Variants in FNBP1L observed in about 807,000 individuals in gnomAD.
The protein encoded by FNBP1L is formin binding protein 1 like.
FNBP1L carries 36 observed loss-of-function variants against 91.2 expected under a neutral mutation model. That is an observed-to-expected ratio of 0.39 (90% CI 0.30 to 0.52). FNBP1L has a LOEUF of 0.52. Ranked by LOEUF, FNBP1L falls within the 20% of genes least tolerant of loss-of-function variation. The probability of loss-of-function intolerance (pLI) is 0.66; values close to 1 mark genes in which losing one functional copy is unlikely to be tolerated. For synonymous variants in FNBP1L, 242 were observed against 237.0 expected (o/e 1.02, Z -0.19); for missense variants, 571 against 732.1 (o/e 0.78, Z 2.54).
chr1:93,518,843 C>T (rs1671222218), intron 2 of FNBP1L, among the ~76,000 whole-genome samples: 1 of 152,134 alleles, frequency 6.6e-6, no homozygotes, highest in Non-Finnish European at 1.5e-5. Flanking sequence ...AAAAGAAAAC[C>T]CTGTACCCAT....
intron 1 of FNBP1L, among the ~76,000 whole-genome samples, chr1:93,479,465 A>G (rs2101706170): frequency 6.6e-6 from 1 of 152,314 alleles, no homozygotes; most frequent in East Asian, 1.9e-4. Context: ...CCTCAAATTC[A>G]CCAGGGTGGG....
At chr1:93,464,367 T>C (rs983962759) in intron 1 of FNBP1L, among the ~76,000 whole-genome samples, 2 of 152,218 alleles carry the variant, frequency 1.3e-5, no homozygotes, top group African/African-American at 4.8e-5. Flanking sequence ...AAATCTGGTA[T>C]ACTATTTACT....
chr1:93,542,776 C>CTTTTTTTT (rs34922906), intron 11 of FNBP1L, among the ~76,000 whole-genome samples: 8 of 125,588 alleles, frequency 6.4e-5, no homozygotes, highest in African/African-American at 2.5e-4. Flanking sequence ...TTTTCTTTAC[C>CTTTTTTTT]TTTTTTTTTT....
Position 93,448,141 on chromosome 1 carries a change from G to C in FNBP1L, c.-141G>C, listed in dbSNP as rs1175314309. On this transcript the variant is annotated 5_prime_UTR_variant, in exon 1 of 17. Transcript: ENST00000271234. ...CCAGTCGCGTCTTTCTCACTCACTG[G>C]GGAGCCCGGCGGTGGCGGCACCTTT... is the stretch of plus-strand genomic sequence containing the variant. The C allele has an allele frequency of 1.9e-5, 20 of 1,074,052 alleles. 1 individual carries two copies. The East Asian group carries it at 6.4e-4, about 34-fold the overall frequency. 66.5% of individuals were successfully genotyped at this position (1,074,052 alleles called of 1,614,324 possible).
chr1:93,502,368 A>G (rs1355090804), intron 2 of FNBP1L, among the ~76,000 whole-genome samples: 1 of 152,234 alleles, frequency 6.6e-6, no homozygotes, highest in African/African-American at 2.4e-5. Flanking sequence ...AGAGATTCCT[A>G]TCACAAATTA....
chr1:93,549,638 T>A (rs1672344462), intron 15 of FNBP1L, among the ~76,000 whole-genome samples: 1 of 152,236 alleles, frequency 6.6e-6, no homozygotes, highest in South Asian at 2.1e-4. Flanking sequence ...TTGCCCACGT[T>A]ACTAGCATCC....
chr1:93,532,822 G>A (rs1671727296), intron 7 of FNBP1L, 100 bp from the exon 8 acceptor site: 3 of 840,116 alleles, frequency 3.6e-6, no homozygotes, highest in South Asian at 2.3e-5. Context: ...AACTATGAGG[G>A]TAGAAATATT....
At chr1:93,494,146 A>G (rs988978865) in intron 1 of FNBP1L, among the ~76,000 whole-genome samples, 8 of 152,180 alleles carry the variant, frequency 5.3e-5, no homozygotes, top group Admixed American at 1.3e-4. Context: ...CCCCTCCTCC[A>G]GTTTGATAAT....
intron 5 of FNBP1L, among the ~76,000 whole-genome samples, chr1:93,529,335 A>C (rs1671596387): frequency 2.0e-5 from 3 of 152,142 alleles, no homozygotes; most frequent in African/African-American, 7.2e-5. Flanking sequence ...ATTGGTTGTA[A>C]TAGTAAAATT....
At chr1:93,461,550 C>CAA (rs59105240) in intron 1 of FNBP1L, among the ~76,000 whole-genome samples, 18 of 145,758 alleles carry the variant, frequency 1.2e-4, no homozygotes, top group East Asian at 4.0e-4. Flanking sequence ...ATTTAAGGCG[C>CAA]AAAAAAAAAA....
intron 5 of FNBP1L, among the ~76,000 whole-genome samples, chr1:93,524,926 C>T (rs1232925806): frequency 6.6e-6 from 1 of 151,944 alleles, no homozygotes; most frequent in Non-Finnish European, 1.5e-5. Flanking sequence ...TAATTATTTA[C>T]TTAAAAATTT....
At chr1:93,491,451 A>G (rs1246301413) in intron 1 of FNBP1L, among the ~76,000 whole-genome samples, 1 of 151,968 alleles carries the variant, frequency 6.6e-6, no homozygotes, top group African/African-American at 2.4e-5. Flanking sequence ...GCACTGTGGC[A>G]TGATCACAGC....
At chr1:93,455,761 A>C (rs1044550420) in intron 1 of FNBP1L, among the ~76,000 whole-genome samples, 7 of 152,220 alleles carry the variant, frequency 4.6e-5, no homozygotes, top group African/African-American at 1.7e-4. Context: ...GACAATGATA[A>C]ATGCTTTAAA....
rs369423210 is a variant in FNBP1L, at chr1:93,507,056, AACACACACACACACACACACACACACAC to A, written c.140+7498_140+7525del. The stretch of plus-strand genomic sequence containing the variant: ...AGCCAAAGTACATAGAAAAACATGG[AACACACACACACACACACACACACACAC>A]ACACACACACACACACACACACACT... On this transcript the variant is annotated intron_variant, in intron 2 of 16. Transcript: ENST00000271234. 1.4e-4 allele frequency among the ~76,000 whole-genome samples: 5 copies of A among 35,018 alleles called. No homozygotes were observed. In the Admixed American group the frequency reaches 1.8e-3, roughly 13 times the overall value. 23.0% of individuals were successfully genotyped at this position (35,018 alleles called of 152,430 possible). A position where few individuals can be genotyped will look rare whatever the true frequency, so the allele number is the denominator to read the frequency against.
rs567266698 is a variant in FNBP1L at position 93,500,265 on chromosome 1, C to T, written c.140+682C>T. ...AAACAGGCATACATGACTACAAAGT[C>T]CAGGCATATTTTGATTCAGGGGTCA... On this transcript the variant is annotated intron_variant, in intron 2 of 16. Transcript: ENST00000271234. 1.1e-3 allele frequency among the ~76,000 whole-genome samples: 169 copies of T among 152,226 alleles called. 1 individual carries two copies. Among genetic ancestry groups the T allele is most frequent in the Middle Eastern group, 3.4e-3 (1 of 294 alleles).
chr1:93,453,577 C>T (rs1368797430), intron 1 of FNBP1L, among the ~76,000 whole-genome samples: 1 of 152,062 alleles, frequency 6.6e-6, no homozygotes, highest in East Asian at 1.9e-4. Flanking sequence ...ATGTCAAATA[C>T]CTTCTGTGTA....
At chr1:93,509,544 T>C (rs1170403228) in intron 2 of FNBP1L, among the ~76,000 whole-genome samples, 1 of 152,216 alleles carries the variant, frequency 6.6e-6, no homozygotes, top group Non-Finnish European at 1.5e-5. Context: ...ACGTGTCCCC[T>C]ACAGACTGGG....
At chr1:93,518,220 G>C (rs1055277803) in intron 2 of FNBP1L, among the ~76,000 whole-genome samples, 1 of 152,040 alleles carries the variant, frequency 6.6e-6, no homozygotes, top group Non-Finnish European at 1.5e-5. Flanking sequence ...TCAGCTTCAC[G>C]TAATAGAGTC....
intron 5 of FNBP1L, among the ~76,000 whole-genome samples, chr1:93,526,079 A>T (rs1671484023): frequency 1.3e-5 from 2 of 152,126 alleles, no homozygotes; most frequent in Non-Finnish European, 2.9e-5. Context: ...GAGGAAAAAA[A>T]TTAAAAGACA....
Sources: allele counts gnomAD v4.1 joint callset (sites outside exome capture counted in the v4.1 genomes callset), GRCh38; gene constraint gnomAD v4.1.1; transcripts MANE v1.5; gene names NCBI Gene and HGNC (gene_info 2026-07-23, HGNC 2026-07-21).